Variants in BPIFB2 observed in about 807,000 individuals in gnomAD.
BPIFB2 encodes the protein BPI fold-containing family B member 2.
Under a neutral mutation model 50.1 loss-of-function variants are expected in BPIFB2, and 39 were observed. That is an observed-to-expected ratio of 0.78 (90% CI 0.60 to 1.02). The LOEUF (loss-of-function observed/expected upper bound fraction) is 1.02. BPIFB2 is among the 50% of genes least tolerant of loss of function. BPIFB2 has a pLI of 0.00. For synonymous variants in BPIFB2, 280 were observed against 256.3 expected (o/e 1.09, Z -0.88); for missense variants, 574 against 585.8 (o/e 0.98, Z 0.21).
chr20:33,015,450 T>C lies in BPIFB2; in HGVS notation c.470T>C (p.Leu157Pro). Residue 157 changes from leucine to proline, a missense_variant, in exon 6 of 16, where the codon CTG becomes CCG. Transcript: ENST00000170150. ...FDGSNSTSHA[L>P]LVLVQKHIKA... ...TTCTCCCTCAGCACCTCCCACGCGC[T>C]GCTGGTCCTGGTGCAGAAGCACATT... The C allele has an allele frequency of 6.2e-7, 1 of 1,613,714 alleles. No individual in the cohort carries two copies. The highest frequency in any genetic ancestry group is 1.1e-5 in the South Asian group (1 of 91,036).
In BPIFB2 at chr20:33,013,971, A is replaced by C; in HGVS notation, c.455+15A>C. ...GGCAGTAACAGGTGGGTGCCTGGTGAGGGCAGGGTCACAGGAATCCCAGAT... is the reference window on the plus strand; with the variant it reads ...GGCAGTAACAGGTGGGTGCCTGGTGCGGGCAGGGTCACAGGAATCCCAGAT... On this transcript the variant is annotated intron_variant, in intron 5 of 15. Transcript: ENST00000170150. The C allele has an allele frequency of 6.2e-7, 1 of 1,609,010 alleles. No homozygotes were observed. Among genetic ancestry groups the C allele is most frequent in the Non-Finnish European group, 8.5e-7 (1 of 1,176,214 alleles).
Position 33,021,356 on chromosome 20 carries a change from C to T in BPIFB2, c.1258+12C>T. ...GGACCATCTCAATGGTAAGCCCTGC[C>T]CTCCACCCCAGCAGGGCCCCTCTGG... On this transcript the variant is annotated intron_variant, in intron 14 of 15. Coordinates refer to ENST00000170150, the MANE Select transcript of BPIFB2 (RefSeq NM_025227.3). 6.2e-7 allele frequency: 1 copy of T among 1,610,056 alleles called. No individual in the cohort carries two copies. The highest frequency in any genetic ancestry group is 8.5e-7 in the Non-Finnish European group (1 of 1,178,082).
Position 33,023,559 on chromosome 20 carries a change from G to T in BPIFB2, c.*176G>T. 1.4e-6 allele frequency: 1 copy of T among 693,624 alleles called. No homozygotes were observed. Among genetic ancestry groups the T allele is most frequent in the Admixed American group, 2.2e-5 (1 of 44,768 alleles). 43.0% of individuals were successfully genotyped at this position (693,624 alleles called of 1,614,324 possible). On this transcript the variant is annotated 3_prime_UTR_variant, in exon 16 of 16. Transcript: ENST00000170150. ...GCCTGGGTCTCCCTCCCTCACTTCT[G>T]CCCTTTCCCTTCCTCCTCCTCTTCT...
In BPIFB2 at chr20:33,019,076, C is replaced by T; in HGVS notation, c.870C>T (p.Asn290=). Residue 290 remains asparagine, a synonymous_variant, in exon 10 of 16, where the codon AAC becomes AAT. Coordinates refer to ENST00000170150, the MANE Select transcript of BPIFB2 (RefSeq NM_025227.3). ...DITGQLRSDD[N]LLNTSALGRL... ...GCTGATTTCAGAGGTCGGATGACAA[C>T]CTGCTGAACACCTCTGCTCTGGGCC... 1 of 1,614,128 alleles carries T rather than the reference C, an allele frequency of 6.2e-7. No individual in the cohort carries two copies. Among genetic ancestry groups the T allele is most frequent in the Non-Finnish European group, 8.5e-7 (1 of 1,180,020 alleles).
Position 33,020,368 on chromosome 20 carries a change from A to T in BPIFB2, c.1121A>T (p.Lys374Met), listed in dbSNP as rs1365016231. Residue 374 changes from lysine (K) to methionine (M), a missense_variant, in exon 12 of 16, where the codon AAG (lysine) becomes ATG (methionine). By Grantham distance (95) the Lys-to-Met change is moderately conservative (BLOSUM62 -1). Coordinates refer to ENST00000170150, the MANE Select transcript of BPIFB2 (RefSeq NM_025227.3). ...CTCCAGCTCTCTGTGTCCAAGGTGA[A>T]GCTTCAGGGGACCACGTCTGTGCTG... ...LRLQLSVSKV[K>M]LQGTTSVLGD... The T allele has an allele frequency of 6.2e-7, 1 of 1,614,072 alleles. No individual in the cohort carries two copies. Among genetic ancestry groups the T allele is most frequent in the Non-Finnish European group, 8.5e-7 (1 of 1,179,988 alleles).
chr20:33,010,124 T>G (rs993626165), intron 2 of BPIFB2, among the ~76,000 whole-genome samples: 4 of 152,046 alleles, frequency 2.6e-5, no homozygotes, highest in Non-Finnish European at 2.9e-5. Context: ...GACTCCTCAT[T>G]TGAAGCTCCC....
rs773361099 is a variant in BPIFB2 at position 33,023,358 on chromosome 20, C to T, written c.1352C>T (p.Ser451Phe). The T allele has an allele frequency of 1.2e-6, 2 of 1,613,952 alleles. No homozygotes were observed. The highest frequency in any genetic ancestry group is 1.7e-6 in the Non-Finnish European group (2 of 1,179,896). Residue 451 changes from serine to phenylalanine, a missense_variant, in exon 16 of 16, where the codon TCC (serine) becomes TTC (phenylalanine). Coordinates refer to ENST00000170150, the MANE Select transcript of BPIFB2 (RefSeq NM_025227.3). Reference sequence around the variant, plus strand: ...GCCCTTCAGGGCTACGTGGTGATATCCAGTGGACTCTTCTACCAGAGCTGA... The same window carrying T: ...GCCCTTCAGGGCTACGTGGTGATATTCAGTGGACTCTTCTACCAGAGCTGA... ...IFVYEGYVVI[S>F]SGLFYQS is the part of the protein sequence containing the mutation.
chr20:33,022,651 C>A (rs1440441985), intron 15 of BPIFB2, among the ~76,000 whole-genome samples: 3 of 152,226 alleles, frequency 2.0e-5, no homozygotes, highest in African/African-American at 7.2e-5. Context: ...AAAGCAGCAG[C>A]CATGATAAGC....
chr20:33,012,638 C>T (rs1311874634), intron 3 of BPIFB2, among the ~76,000 whole-genome samples, 165 bp from the exon 4 acceptor site: 1 of 152,140 alleles, frequency 6.6e-6, no homozygotes, highest in Non-Finnish European at 1.5e-5. Context: ...GGTTTGCATG[C>T]CCCGTGGTGA....
At position 33,008,703 on chromosome 20, in the gene BPIFB2, G is replaced by T. The variant is rs80272800; in HGVS notation, c.109+20G>T. 196 of 1,556,398 alleles carry T rather than the reference G, an allele frequency of 1.3e-4. 1 individual carries two copies. The East Asian group carries it at 3.3e-3, about 26-fold the overall frequency. On this transcript the variant is annotated intron_variant, in intron 2 of 15. Transcript: ENST00000170150. ...GCTACGGTAAGCGGTGTGTTACCCA[G>T]TGAGTGTCTGTGAGCCTGTACATGC...
chr20:33,016,533 C>A (rs1252326889), intron 6 of BPIFB2, among the ~76,000 whole-genome samples: 2 of 152,186 alleles, frequency 1.3e-5, no homozygotes, highest in Non-Finnish European at 2.9e-5. Flanking sequence ...CCTCCTCTGC[C>A]CCCATCTTCT....
At position 33,013,809 on chromosome 20, in the gene BPIFB2, G is replaced by A. The variant is rs375769397; in HGVS notation, c.309-1G>A. ...CGGGCTCAGGACTGGCATCCCTACA[G>A]CGCCCCAGAGCCCCTGGAGCTGACG... On this transcript the variant is annotated splice_acceptor_variant, in intron 4 of 15. Coordinates refer to ENST00000170150, the MANE Select transcript of BPIFB2 (RefSeq NM_025227.3). LOFTEE classifies it high-confidence loss of function. The A allele has an allele frequency of 3.1e-6, 5 of 1,612,436 alleles. No individual in the cohort carries two copies. The highest frequency in any genetic ancestry group is 4.2e-6 in the Non-Finnish European group (5 of 1,179,678).
intron 10 of BPIFB2, 85 bp downstream of exon 10, chr20:33,019,200 T>C (rs1978557884): frequency 1.3e-6 from 2 of 1,528,798 alleles, no homozygotes; most frequent in Admixed American, 3.4e-5. Context: ...CTGCTGGCTC[T>C]TATCTGTCCC....
At position 33,023,519 on chromosome 20, in the gene BPIFB2, T is replaced by C; in HGVS notation, c.*136T>C. 1 of 1,015,284 alleles carries C rather than the reference T, an allele frequency of 9.8e-7. No homozygotes were observed. Among genetic ancestry groups the C allele is most frequent in the Non-Finnish European group, 1.5e-6 (1 of 666,572 alleles). The allele number at this position is 1,015,284 out of a possible 1,614,324, so 62.9% of individuals were successfully genotyped here. ...AGCTGGACTGCTTAGCTGGGCTGTT[T>C]TATCTTCCCTGAGTGCCTGGGTCTC... On this transcript the variant is annotated 3_prime_UTR_variant, in exon 16 of 16. Coordinates refer to ENST00000170150, the MANE Select transcript of BPIFB2 (RefSeq NM_025227.3).
Position 33,021,650 on chromosome 20 carries a change from T to C in BPIFB2, c.1259-73T>C, listed in dbSNP as rs920820547. On this transcript the variant is annotated intron_variant, in intron 14 of 15. Transcript: ENST00000170150. The stretch of plus-strand genomic sequence containing the variant: ...CTTCCAGATGCCTGCGAGGACTCAG[T>C]GCTGTGATGCACATGAGGGCTTCAG... The C allele has an allele frequency of 1.1e-5, 16 of 1,440,004 alleles. No homozygotes were observed. In the African/African-American group the frequency reaches 2.2e-4, roughly 20 times the overall value. 89.2% of individuals were successfully genotyped at this position (1,440,004 alleles called of 1,614,324 possible). A position where few individuals can be genotyped will look rare whatever the true frequency, so the allele number is the denominator to read the frequency against.
chr20:33,018,381 G>A (rs779697532), intron 8 of BPIFB2, 31 bp downstream of exon 8: 1 of 1,566,058 alleles, frequency 6.4e-7, no homozygotes, highest in Non-Finnish European at 8.8e-7. Context: ...CCAGAGCTGG[G>A]GGCTTGCTGC....
intron 2 of BPIFB2, among the ~76,000 whole-genome samples, chr20:33,010,296 C>T (rs577283900): frequency 3.9e-4 from 59 of 152,276 alleles, no homozygotes; most frequent in African/African-American, 1.3e-3. Flanking sequence ...TCTCTGTAAA[C>T]TGGGCACGAT....
chr20:33,014,439 G>A (rs990330214), intron 5 of BPIFB2, among the ~76,000 whole-genome samples: 1 of 152,196 alleles, frequency 6.6e-6, no homozygotes, highest in Admixed American at 6.5e-5. Flanking sequence ...CCTTTCCATA[G>A]ATCATTTCGT....
intron 5 of BPIFB2, among the ~76,000 whole-genome samples, chr20:33,014,226 G>A (rs1990326847): frequency 6.6e-6 from 1 of 152,210 alleles, no homozygotes; most frequent in African/African-American, 2.4e-5. Context: ...CACACTCTTT[G>A]GGGAGGGATT....
Sources: gnomAD v4.1 joint callset for allele counts (sites outside exome capture counted in the v4.1 genomes callset) on GRCh38, gnomAD v4.1.1 for gene constraint, MANE v1.5 for transcripts, NCBI Gene and HGNC (gene_info 2026-07-23, HGNC 2026-07-21) for gene names.